RBFOX1: variants seen among roughly 807,000 people sequenced by gnomAD.
RBFOX1 encodes RNA binding protein fox-1 homolog 1.
A neutral mutation model predicts 57.7 loss-of-function variants in RBFOX1; 8 were observed. The ratio of observed to expected loss-of-function variants is 0.14; its 90% CI spans 0.08 to 0.25. The LOEUF (loss-of-function observed/expected upper bound fraction) is 0.25, where lower values mean the gene tolerates loss of function less well. Among genes scored for constraint, RBFOX1 ranks in the 10% least tolerant of loss-of-function variants. The pLI is 1.00. For missense variants in RBFOX1, 611 were observed against 548.5 expected, an observed-to-expected ratio of 1.11 and a Z score of -1.14; for synonymous variants, 326 against 222.4, an observed-to-expected ratio of 1.47 and a Z score of -4.15.
At chr16:7,194,984 T>C (rs1442229939) in intron 4 of RBFOX1, among the ~76,000 whole-genome samples, 2 of 151,780 alleles carry the variant, frequency 1.3e-5, no homozygotes, top group Non-Finnish European at 2.9e-5. Flanking sequence ...CCTTTCAATA[T>C]TTTATCGAGG....
intron 4 of RBFOX1, among the ~76,000 whole-genome samples, chr16:7,265,964 GTTTTTTTTTT>G (rs1204871254): frequency 2.8e-5 from 2 of 70,236 alleles, no homozygotes; most frequent in Non-Finnish European, 2.7e-5. Flanking sequence ...GTGGGTTTTT[GTTTTTTTTTT>G]TTTTTTTTTT....
chr16:7,029,673 C>G (rs2042290654), intron 3 of RBFOX1, among the ~76,000 whole-genome samples: 1 of 152,042 alleles, frequency 6.6e-6, no homozygotes, highest in Non-Finnish European at 1.5e-5. Context: ...TTCTAATTTT[C>G]AAAACAGATG....
At chr16:7,232,503 C>G (rs930027272) in intron 4 of RBFOX1, among the ~76,000 whole-genome samples, 1 of 152,052 alleles carries the variant, frequency 6.6e-6, no homozygotes, top group Non-Finnish European at 1.5e-5. Flanking sequence ...CACATATGCC[C>G]ACTTGTACCC....
chr16:7,298,621 C>G (rs185679821), intron 4 of RBFOX1, among the ~76,000 whole-genome samples: 1 of 152,214 alleles, frequency 6.6e-6, no homozygotes, highest in Non-Finnish European at 1.5e-5. Context: ...TTGATTCCCC[C>G]AAAACTATGA....
chr16:6,951,629 G>C (rs2080780324), intron 3 of RBFOX1, among the ~76,000 whole-genome samples: 1 of 152,046 alleles, frequency 6.6e-6, no homozygotes, highest in Non-Finnish European at 1.5e-5. Flanking sequence ...GGTGATTTCA[G>C]GGTAGTCAGC....
intron 3 of RBFOX1, among the ~76,000 whole-genome samples, chr16:6,913,634 G>C (rs1184953740): frequency 1.3e-5 from 2 of 152,182 alleles, no homozygotes; most frequent in African/African-American, 2.4e-5. Flanking sequence ...GAGGCCACCA[G>C]ATTGTTTGGG....
chr16:6,829,624 C>T (rs188699685), intron 3 of RBFOX1, among the ~76,000 whole-genome samples: 111 of 151,788 alleles, frequency 7.3e-4, no homozygotes, highest in Middle Eastern at 6.8e-3. Flanking sequence ...TTTTTTAAGA[C>T]GGAGTCTCGC....
At chr16:6,467,682 C>A (rs1275005319) in intron 2 of RBFOX1, among the ~76,000 whole-genome samples, 1 of 152,184 alleles carries the variant, frequency 6.6e-6, no homozygotes, top group East Asian at 1.9e-4. Flanking sequence ...AAGCCCGAGA[C>A]TGCAGTCATC....
At chr16:6,713,941 G>A (rs888630748) in intron 3 of RBFOX1, among the ~76,000 whole-genome samples, 2 of 152,234 alleles carry the variant, frequency 1.3e-5, no homozygotes, top group Non-Finnish European at 2.9e-5. Flanking sequence ...AAGCAGACCT[G>A]AGGCAATAAT....
At chr16:5,560,381 ACCT>A (rs2045848998) in intron 2 of RBFOX1, among the ~76,000 whole-genome samples, 1 of 151,854 alleles carries the variant, frequency 6.6e-6, no homozygotes, top group Admixed American at 6.6e-5. Context: ...GCACTAAATC[ACCT>A]CCTGCAGGAA....
At chr16:6,299,995 G>A (rs2078623831) in intron 1 of RBFOX1, among the ~76,000 whole-genome samples, 2 of 152,204 alleles carry the variant, frequency 1.3e-5, no homozygotes, top group East Asian at 1.9e-4. Context: ...TGTACAATGG[G>A]ATACCATTCA....
rs542089673 is a variant in RBFOX1 at position 7,049,132 on chromosome 16, G to C, written c.-15-2925G>C. ...TTTTCCCAAATTATTTTCTCTCCGGGATCCTCAAAGTAATATTTGTTTTCT... is the reference window on the plus strand; with the variant it reads ...TTTTCCCAAATTATTTTCTCTCCGGCATCCTCAAAGTAATATTTGTTTTCT... On this transcript the variant is annotated intron_variant, in intron 3 of 15. Coordinates refer to ENST00000550418, the MANE Select transcript of RBFOX1 (RefSeq NM_018723.4). 2.6e-5 allele frequency among the ~76,000 whole-genome samples: 4 copies of C among 152,260 alleles called. No individual in the cohort carries two copies. The East Asian group carries it at 7.7e-4, about 29-fold the overall frequency.
chr16:5,437,654 A>G (rs1271523374), intron 1 of RBFOX1, among the ~76,000 whole-genome samples: 1 of 152,254 alleles, frequency 6.6e-6, no homozygotes, highest in Non-Finnish European at 1.5e-5. Flanking sequence ...AAGACACAAT[A>G]TTACATATGT....
chr16:7,591,149 G>A (rs1036237102), intron 7 of RBFOX1, among the ~76,000 whole-genome samples: 6 of 152,104 alleles, frequency 3.9e-5, no homozygotes, highest in East Asian at 1.9e-4. Context: ...TGAGAGTTGC[G>A]TAAGAATTTC....
At chr16:6,964,823 A>G (rs1240503298) in intron 3 of RBFOX1, among the ~76,000 whole-genome samples, 1 of 152,132 alleles carries the variant, frequency 6.6e-6, no homozygotes, top group Non-Finnish European at 1.5e-5. Flanking sequence ...CTTTGTCTAA[A>G]AGAGCCTGGT....
At chr16:7,272,835 C>T (rs2095352112) in intron 4 of RBFOX1, among the ~76,000 whole-genome samples, 1 of 144,474 alleles carries the variant, frequency 6.9e-6, no homozygotes, top group African/African-American at 2.5e-5. Context: ...TCTCCTCCCT[C>T]CCCTCCCTCC....
chr16:5,397,570 C>T (rs989094736), intron 1 of RBFOX1, among the ~76,000 whole-genome samples: 2 of 152,180 alleles, frequency 1.3e-5, no homozygotes, highest in Admixed American at 1.3e-4. Context: ...ATTGAAAAGT[C>T]ATTTCTGAGA....
intron 4 of RBFOX1, among the ~76,000 whole-genome samples, chr16:7,315,908 A>G (rs994104824): frequency 6.6e-6 from 1 of 152,156 alleles, no homozygotes; most frequent in African/African-American, 2.4e-5. Context: ...ATGGGTTACT[A>G]AACAATCTAT....
intron 3 of RBFOX1, among the ~76,000 whole-genome samples, chr16:6,726,458 A>T (rs1161062762): frequency 5.3e-5 from 8 of 150,346 alleles, no homozygotes; most frequent in Non-Finnish European, 1.0e-4. Context: ...GATCTGCTTT[A>T]GCTCTTCCCG....
Sources: allele counts gnomAD v4.1 joint callset (sites outside exome capture counted in the v4.1 genomes callset), GRCh38; gene constraint gnomAD v4.1.1; transcripts MANE v1.5; gene names NCBI Gene and HGNC (gene_info 2026-07-23, HGNC 2026-07-21).